Variants in PIP5K1C observed in about 807,000 individuals in gnomAD.
PIP5K1C encodes phosphatidylinositol-4-phosphate 5-kinase type 1 gamma.
Under a neutral mutation model 80.1 loss-of-function variants are expected in PIP5K1C, and 45 were observed. That is an observed-to-expected ratio of 0.56 (90% confidence interval 0.44 to 0.72). PIP5K1C has a LOEUF of 0.72. PIP5K1C is among the 30% of genes least tolerant of loss of function. The pLI is 0.00. For synonymous variants in PIP5K1C, 498 were observed against 420.1 expected, an observed-to-expected ratio of 1.19 and a Z score of -2.27; for missense variants, 753 against 954.6, an observed-to-expected ratio of 0.79 and a Z score of 2.78.
At chr19:3,642,761 G>C in intron 14 of PIP5K1C, 146 bp downstream of exon 14, 1 of 717,184 alleles carries the variant, frequency 1.4e-6, no homozygotes, top group Non-Finnish European at 2.5e-6. Context: ...GATTGTGTGC[G>C]GTGCTAGGGC....
intron 1 of PIP5K1C, among the ~76,000 whole-genome samples, chr19:3,691,273 G>C (rs545632431): frequency 1.3e-5 from 2 of 152,202 alleles, no homozygotes; most frequent in Non-Finnish European, 2.9e-5. Flanking sequence ...CGGAGCGCCC[G>C]GTCTGGTACA....
intron 2 of PIP5K1C, among the ~76,000 whole-genome samples, chr19:3,665,712 C>T (rs1186244363): frequency 3.3e-5 from 5 of 152,154 alleles, no homozygotes; most frequent in African/African-American, 7.2e-5. Context: ...TGTCGGGCAG[C>T]GCGGGTGTCC....
At chr19:3,639,192 C>A (rs1442533238) in intron 15 of PIP5K1C, among the ~76,000 whole-genome samples, 176 bp from the exon 16 acceptor site, 1 of 152,218 alleles carries the variant, frequency 6.6e-6, no homozygotes, top group East Asian at 1.9e-4. Flanking sequence ...TCAGAACAAA[C>A]CTCCCCAAGA....
Position 3,637,583 on chromosome 19 carries a change from G to A in PIP5K1C, c.1920+1301C>T. On this transcript the variant is annotated intron_variant, in intron 16 of 17. Coordinates refer to ENST00000335312, the MANE Select transcript of PIP5K1C (RefSeq NM_012398.3). The surrounding 1 kb of genome is among the most constrained non-coding windows in gnomAD (Gnocchi z 7.0). ...ACGGCCCGCAGTCGGCGATGGCGGG[G>A]AGAGTAAATCCAGTACCTCCCATCC... 7.6e-7 allele frequency: 1 copy of A among 1,310,802 alleles called. No homozygotes were observed. Among genetic ancestry groups the A allele is most frequent in the Non-Finnish European group, 1.0e-6 (1 of 1,004,080 alleles). The allele number at this position is 1,310,802 out of a possible 1,614,324, so 81.2% of individuals were successfully genotyped here. A position where few individuals can be genotyped will look rare whatever the true frequency, so the allele number is the denominator to read the frequency against.
Position 3,653,452 on chromosome 19 carries a change from G to T in PIP5K1C, c.759C>A (p.Asp253Glu). The T allele has an allele frequency of 6.2e-7, 1 of 1,613,782 alleles. No individual in the cohort carries two copies. The highest frequency in any genetic ancestry group is 8.5e-7 in the Non-Finnish European group (1 of 1,180,040). The change falls in exon 7 of 18, where the codon GAC becomes GAA. Residue 253 changes from aspartate (D) to glutamate (E), a missense_variant. Around this residue, in one of 6 missense-constraint regions of PIP5K1C, gnomAD observed 105 missense variants for 133.4 expected, o/e 0.79. Coordinates refer to ENST00000335312, the MANE Select transcript of PIP5K1C (RefSeq NM_012398.3). ...PRVVKMHLKF[D>E]LKGSTYKRRA... ...GCCGCTTGTAGGTGGAGCCCTTGAG[G>T]TCGAACTTGAGGTGCATCTTGACCA...
chr19:3,669,306 A>G (rs2035123697), intron 1 of PIP5K1C, among the ~76,000 whole-genome samples: 1 of 152,178 alleles, frequency 6.6e-6, no homozygotes, highest in Non-Finnish European at 1.5e-5. Flanking sequence ...TGGGCTGGGC[A>G]GCAGTGCGTT....
At chr19:3,656,808 C>G (rs560471010) in intron 5 of PIP5K1C, among the ~76,000 whole-genome samples, 75 of 152,366 alleles carry the variant, frequency 4.9e-4, no homozygotes, top group African/African-American at 1.7e-3. Context: ...GCCTGCTGCT[C>G]TCCTTAGGAG....
chr19:3,680,582 G>T (rs201222428), intron 1 of PIP5K1C, among the ~76,000 whole-genome samples: 1 of 152,236 alleles, frequency 6.6e-6, no homozygotes, highest in African/African-American at 2.4e-5. Flanking sequence ...GATGACAGGC[G>T]TGAGCCACCG....
rs749638924 is a variant in PIP5K1C, at chr19:3,645,140, AAG to A, written c.1345+832_1345+833del. On this transcript the variant is annotated intron_variant, in intron 11 of 17. Coordinates refer to ENST00000335312, the MANE Select transcript of PIP5K1C (RefSeq NM_012398.3). ...AGGCCGGGAAGAGCAGCCTGCCTGC[AAG>A]CGCTGGGCACTGGCGTGCCTGTCCC... is the stretch of plus-strand genomic sequence containing the variant. Among the ~76,000 whole-genome samples the A allele has an allele frequency of 3.2e-3, 495 of 152,314 alleles. 1 individual carries two copies. Among genetic ancestry groups the A allele is most frequent in the Non-Finnish European group, 5.3e-3 (363 of 68,018 alleles).
At chr19:3,643,123 C>A in intron 13 of PIP5K1C, 120 bp downstream of exon 13, 1 of 1,486,412 alleles carries the variant, frequency 6.7e-7, no homozygotes, top group Admixed American at 1.7e-5. Flanking sequence ...TATGTACATC[C>A]ACCGTACATA....
chr19:3,675,926 C>G (rs542401314), intron 1 of PIP5K1C, among the ~76,000 whole-genome samples: 2 of 152,206 alleles, frequency 1.3e-5, no homozygotes, highest in Non-Finnish European at 2.9e-5. Context: ...GGTGATGCCC[C>G]GCTTCAGTAG....
intron 11 of PIP5K1C, among the ~76,000 whole-genome samples, chr19:3,645,158 T>A (rs2034158441): frequency 6.6e-6 from 1 of 152,210 alleles, no homozygotes. Flanking sequence ...GGCACTGGCG[T>A]GCCTGTCCCT....
Position 3,646,043 on chromosome 19 carries a change from G to A in PIP5K1C, c.1276C>T (p.His426Tyr). ...LVHDGDTVSV[H>Y]RPSFYAERFF... Reference sequence around the variant, plus strand: ...CGCTCGGCATAGAAGCTGGGGCGGTGGACGGACACCGTGTCCTGGAAGAGA... The same window carrying A: ...CGCTCGGCATAGAAGCTGGGGCGGTAGACGGACACCGTGTCCTGGAAGAGA... The change falls in exon 11 of 18, where the codon CAC becomes TAC. Residue 426 changes from histidine (H) to tyrosine (Y), a missense_variant. His to Tyr is a moderately conservative substitution (Grantham distance 83). This residue lies in a region of PIP5K1C where 114 missense variants were observed against 152.4 expected (regional missense o/e 0.75). Transcript: ENST00000335312. 6.2e-7 allele frequency: 1 copy of A among 1,612,558 alleles called. No homozygotes were observed. The highest frequency in any genetic ancestry group is 8.5e-7 in the Non-Finnish European group (1 of 1,179,454).
intron 6 of PIP5K1C, among the ~76,000 whole-genome samples, chr19:3,655,971 G>T (rs2034613171): frequency 1.3e-5 from 2 of 152,236 alleles, no homozygotes; most frequent in African/African-American, 4.8e-5. Context: ...CTGAGCAGCT[G>T]GTCTTTTGTG....
chr19:3,666,855 A>T (rs541217726), intron 2 of PIP5K1C, among the ~76,000 whole-genome samples: 2 of 152,278 alleles, frequency 1.3e-5, no homozygotes, highest in Admixed American at 6.5e-5. Context: ...CTCACTGTGC[A>T]CTACGCCTGT....
At chr19:3,693,463 G>A (rs2036003733) in intron 1 of PIP5K1C, among the ~76,000 whole-genome samples, 1 of 152,192 alleles carries the variant, frequency 6.6e-6, no homozygotes, top group African/African-American at 2.4e-5. Context: ...TAATCCCCAT[G>A]AGTACTGGCA....
chr19:3,640,719 C>T (rs1338176538), intron 15 of PIP5K1C, among the ~76,000 whole-genome samples: 2 of 151,020 alleles, frequency 1.3e-5, no homozygotes, highest in Admixed American at 6.6e-5. Flanking sequence ...TGGAGTCTTG[C>T]TCTGTCGCTT....
chr19:3,687,809 T>C (rs369861653), intron 1 of PIP5K1C, among the ~76,000 whole-genome samples: 19 of 152,304 alleles, frequency 1.2e-4, no homozygotes, highest in South Asian at 8.3e-4. Context: ...CCGCAGGGCA[T>C]AGAGTGATCG....
chr19:3,646,622 G>A (rs1447543160), intron 10 of PIP5K1C, among the ~76,000 whole-genome samples: 2 of 152,218 alleles, frequency 1.3e-5, no homozygotes, highest in South Asian at 2.1e-4. Context: ...CCGAGACAGC[G>A]CTCCTATCTG....
Sources: allele counts gnomAD v4.1 joint callset (sites outside exome capture counted in the v4.1 genomes callset), GRCh38; gene constraint gnomAD v4.1.1; regional missense constraint gnomAD v4.1.1; non-coding constraint Gnocchi (gnomAD v3.1); transcripts MANE v1.5; gene names NCBI Gene and HGNC (gene_info 2026-07-23, HGNC 2026-07-21).